The following FBXL8 variants were observed in gnomAD, a reference collection of about 807,000 sequenced individuals.
The protein encoded by FBXL8 is F-box and leucine rich repeat protein 8.
FBXL8 carries 13 observed loss-of-function variants against 8.2 expected under a neutral mutation model. That is an observed-to-expected ratio of 1.58 (90% CI 1.03 to 2.51). The LOEUF is 2.51. FBXL8 is among the 30% of genes most tolerant of loss of function. The pLI, the probability that FBXL8 is intolerant of heterozygous loss-of-function variation, is 0.00. For missense variants in FBXL8, 565 were observed against 540.4 expected (o/e 1.05, Z -0.45); for synonymous variants, 271 against 260.5 (o/e 1.04, Z -0.39).
At chr16:67,160,928 T>G (rs1375759300) in intron 1 of FBXL8, among the ~76,000 whole-genome samples, 6 of 151,870 alleles carry the variant, frequency 4.0e-5, no homozygotes, top group South Asian at 2.1e-4. Flanking sequence ...AGACCCAAGT[T>G]TTTTTTCATC....
Position 67,162,898 on chromosome 16 carries a change from TCGACC to T in FBXL8, c.204_208del (p.Asp69HisfsTer9). On this transcript the variant is annotated frameshift_variant, in exon 3 of 3. Coordinates refer to ENST00000258200, the MANE Select transcript of FBXL8 (RefSeq NM_018378.3). LOFTEE classifies it low-confidence loss of function (END_TRUNC). ...CTGCCACCTTATCTGTCCGCCTGCC[TCGACC>T]ACATTCACAACCTACGGCTGGAATT... is the stretch of plus-strand genomic sequence containing the variant. The T allele has an allele frequency of 6.4e-7, 1 of 1,552,450 alleles. No homozygotes were observed. The highest frequency in any genetic ancestry group is 8.7e-7 in the Non-Finnish European group (1 of 1,147,460).
At chr16:67,161,668 A>C (rs2030907707) in intron 1 of FBXL8, 67 bp from the exon 2 acceptor site, 2 of 1,302,688 alleles carry the variant, frequency 1.5e-6, no homozygotes, top group Non-Finnish European at 2.0e-6. Flanking sequence ...GCATTTGTAC[A>C]CCTAAGCTCG....
Position 67,163,019 on chromosome 16 carries a change from G to T in FBXL8, c.324G>T (p.Leu108=), listed in dbSNP as rs200909842. The part of the protein sequence containing the change: ...GRAPGLRGLR[L]ECRGEKPLFD... ...CCCCGGGGCTGCGAGGCCTGCGCCTGGAGTGCCGCGGAGAAAAACCGCTCT... is the reference window on the plus strand; with the variant it reads ...CCCCGGGGCTGCGAGGCCTGCGCCTTGAGTGCCGCGGAGAAAAACCGCTCT... Residue 108 remains leucine, a synonymous_variant, in exon 3 of 3, where the codon CTG becomes CTT. Transcript: ENST00000258200. The T allele has an allele frequency of 1.9e-4, 291 of 1,556,550 alleles. No homozygotes were observed. The African/African-American group carries it at 3.4e-3, about 18-fold the overall frequency.
At position 67,164,026 on chromosome 16, in the gene FBXL8, A is replaced by C; in HGVS notation, c.*206A>C. ...TGCTCTCACCCTCTGCAGACGCCCC[A>C]CCCGCTCGGTCCTGGACACACTGCC... On this transcript the variant is annotated 3_prime_UTR_variant, in exon 3 of 3. Transcript: ENST00000258200. 2 of 752,444 alleles carry C rather than the reference A, an allele frequency of 2.7e-6. No homozygotes were observed. Among genetic ancestry groups the C allele is most frequent in the Non-Finnish European group, 2.3e-6 (1 of 433,044 alleles). The allele number at this position is 752,444 out of a possible 1,614,324, so 46.6% of individuals were successfully genotyped here.
Position 67,161,796 on chromosome 16 carries a change from C to A in FBXL8, c.11C>A (p.Pro4His). 6.2e-7 allele frequency: 1 copy of A among 1,606,600 alleles called. No individual in the cohort carries two copies. The change falls in exon 2 of 3, where the codon CCT becomes CAT. Residue 4 changes from proline (P) to histidine (H), a missense_variant. Physicochemically the swap from Pro to His is moderately conservative, Grantham distance 77. Coordinates refer to ENST00000258200, the MANE Select transcript of FBXL8 (RefSeq NM_018378.3). ...AGCCGGATCTGGGCCATGGCCGAGC[C>A]TGGAGAGGGACTGCCAGAGGAGGTG... MAE[P>H]GEGLPEEVLA...
In FBXL8 at chr16:67,163,368, C is replaced by A; in HGVS notation, c.673C>A (p.Arg225=). Residue 225 remains arginine, a synonymous_variant, in exon 3 of 3, where the codon CGG becomes AGG. Transcript: ENST00000258200. ...DRAPFALLAL[R]CACPEDARAS... ...AGCGCCTTTCGCGCTCTTGGCTCTG[C>A]GGTGCGCGTGCCCCGAAGATGCACG... 6.5e-7 allele frequency: 1 copy of A among 1,546,044 alleles called. No homozygotes were observed. Among genetic ancestry groups the A allele is most frequent in the South Asian group, 1.2e-5 (1 of 85,528 alleles).
In FBXL8 at chr16:67,163,550, A is replaced by G; in HGVS notation, c.855A>G (p.Ser285=). The change falls in exon 3 of 3, where the codon TCA becomes TCG. Residue 285 remains serine, a synonymous_variant. Coordinates refer to ENST00000258200, the MANE Select transcript of FBXL8 (RefSeq NM_018378.3). Reference sequence around the variant, plus strand: ...TGGCTGCGCTGCGCCTCAACCTCTCAGGCGACACCGTAGGCCCAGTGCGCT... The same window carrying G: ...TGGCTGCGCTGCGCCTCAACCTCTCGGGCGACACCGTAGGCCCAGTGCGCT... ...VPVAALRLNL[S]GDTVGPVRFA... The G allele has an allele frequency of 6.3e-7, 1 of 1,577,456 alleles. No individual in the cohort carries two copies. Among genetic ancestry groups the G allele is most frequent in the Non-Finnish European group, 8.5e-7 (1 of 1,170,250 alleles).
rs774616423 is a variant in FBXL8, at chr16:67,161,766, A to C, written c.-20A>C. 1.5e-5 allele frequency: 23 copies of C among 1,572,530 alleles called. No individual in the cohort carries two copies. Among genetic ancestry groups the C allele is most frequent in the Non-Finnish European group, 1.7e-5 (20 of 1,156,726 alleles). The stretch of plus-strand genomic sequence containing the variant: ...GCTATTGGGAGTGGCGGATCCTCCC[A>C]CCCCAGCCGGATCTGGGCCATGGCC... On this transcript the variant is annotated 5_prime_UTR_variant, in exon 2 of 3. Transcript: ENST00000258200.
chr16:67,162,329 AAAT>A (rs772732792), intron 2 of FBXL8: 242 of 473,148 alleles, frequency 5.1e-4, no homozygotes, highest in Non-Finnish European at 7.4e-4. Flanking sequence ...GTTTATCTCA[AAAT>A]AATAATAATA....
In FBXL8 at chr16:67,163,429, T is replaced by TGCG. The variant is rs967697002; in HGVS notation, c.735_737dup (p.Arg248dup). 1.3e-6 allele frequency: 2 copies of TGCG among 1,535,956 alleles called. No homozygotes were observed. The highest frequency in any genetic ancestry group is 1.7e-6 in the Non-Finnish European group (2 of 1,146,800). On this transcript the variant is annotated inframe_insertion, in exon 3 of 3. Transcript: ENST00000258200. ...CTGCCCAACGAAGCCTGGGTCGCGT[T>TGCG]GCGCCGCCGCCACCCTGGGCTGGCA...
In FBXL8 at chr16:67,163,717, A is replaced by G; in HGVS notation, c.1022A>G (p.His341Arg). 3.1e-6 allele frequency: 5 copies of G among 1,594,508 alleles called. No homozygotes were observed. Among genetic ancestry groups the G allele is most frequent in the African/African-American group, 1.3e-5 (1 of 74,100 alleles). ...GTGCATTGTTTCTGCGTGGTGAGCCACTCGGTGCTGGACGCCTTCCGCGCG... is the reference window on the plus strand; with the variant it reads ...GTGCATTGTTTCTGCGTGGTGAGCCGCTCGGTGCTGGACGCCTTCCGCGCG... Reference protein sequence around the residue: ...REVHCFCVVSHSVLDAFRAHC... With the variant: ...REVHCFCVVSRSVLDAFRAHC... The change falls in exon 3 of 3, where the codon CAC becomes CGC. Residue 341 changes from histidine (H) to arginine (R), a missense_variant. By Grantham distance (29) the His-to-Arg change is conservative. Transcript: ENST00000258200.
In FBXL8 at chr16:67,163,447, G is replaced by A. The variant is rs1336969037; in HGVS notation, c.752G>A (p.Gly251Glu). ...AWVALRRRHPGLAVELELEPA... is the reference protein window; with the variant it reads ...AWVALRRRHPELAVELELEPA... ...GTCGCGTTGCGCCGCCGCCACCCTGGGCTGGCAGTGGAGCTGGAGCTGGAG... is the reference window on the plus strand; with the variant it reads ...GTCGCGTTGCGCCGCCGCCACCCTGAGCTGGCAGTGGAGCTGGAGCTGGAG... Residue 251 changes from glycine to glutamate, a missense_variant, in exon 3 of 3, where the codon GGG becomes GAG. Coordinates refer to ENST00000258200, the MANE Select transcript of FBXL8 (RefSeq NM_018378.3). 2.0e-6 allele frequency: 3 copies of A among 1,536,156 alleles called. No individual in the cohort carries two copies. Among genetic ancestry groups the A allele is most frequent in the Non-Finnish European group, 8.7e-7 (1 of 1,147,026 alleles).
chr16:67,161,696 T>C, intron 1 of FBXL8, 39 bp from the exon 2 acceptor site: 2 of 1,430,106 alleles, frequency 1.4e-6, no homozygotes, highest in East Asian at 2.6e-5. Context: ...TGCAACACTT[T>C]GCGCCTTCCC....
In FBXL8 at chr16:67,163,389, G is replaced by A. The variant is rs1317266198; in HGVS notation, c.694G>A (p.Ala232Thr). 5.2e-6 allele frequency: 8 copies of A among 1,540,708 alleles called. No individual in the cohort carries two copies. The Admixed American group carries it at 7.7e-5, about 15-fold the overall frequency. The change falls in exon 3 of 3, where the codon GCA (alanine) becomes ACA (threonine). Residue 232 changes from alanine to threonine, a missense_variant. Coordinates refer to ENST00000258200, the MANE Select transcript of FBXL8 (RefSeq NM_018378.3). ...TCTGCGGTGCGCGTGCCCCGAAGAT[G>A]CACGCGCGTCCCCGCTGCCCAACGA... ...LALRCACPEDARASPLPNEAW... is the reference protein window; with the variant it reads ...LALRCACPEDTRASPLPNEAW...
At chr16:67,160,518 C>G (rs976066102) in intron 1 of FBXL8, among the ~76,000 whole-genome samples, 1 of 152,136 alleles carries the variant, frequency 6.6e-6, no homozygotes, top group Non-Finnish European at 1.5e-5. Flanking sequence ...TGAGACCAGC[C>G]TGGCCAATAT....
At position 67,164,084 on chromosome 16, in the gene FBXL8, T is replaced by C. The variant is rs1339298862; in HGVS notation, c.*264T>C. The C allele has an allele frequency of 4.4e-6, 3 of 688,924 alleles. No individual in the cohort carries two copies. The highest frequency in any genetic ancestry group is 7.9e-6 in the Non-Finnish European group (3 of 378,984). 42.7% of individuals were successfully genotyped at this position (688,924 alleles called of 1,614,324 possible). A position where few individuals can be genotyped will look rare whatever the true frequency, so the allele number is the denominator to read the frequency against. On this transcript the variant is annotated 3_prime_UTR_variant, in exon 3 of 3. Coordinates refer to ENST00000258200, the MANE Select transcript of FBXL8 (RefSeq NM_018378.3). ...CTTGCCTCCACCCCTCTGCGGACTCTGCAGCTCCGCGGCCCCGGCGCAGGG... is the reference window on the plus strand; with the variant it reads ...CTTGCCTCCACCCCTCTGCGGACTCCGCAGCTCCGCGGCCCCGGCGCAGGG...
chr16:67,161,628 CTG>C, intron 1 of FBXL8, 105 bp from the exon 2 acceptor site: 1 of 849,216 alleles, frequency 1.2e-6, no homozygotes, highest in Non-Finnish European at 1.7e-6. Context: ...CCCACGCTGT[CTG>C]AGAGGCCCTC....
At position 67,163,153 on chromosome 16, in the gene FBXL8, T is replaced by C. The variant is rs1423225350; in HGVS notation, c.458T>C (p.Leu153Pro). 6.4e-7 allele frequency: 1 copy of C among 1,568,326 alleles called. No individual in the cohort carries two copies. Among genetic ancestry groups the C allele is most frequent in the South Asian group, 1.2e-5 (1 of 85,986 alleles). Residue 153 changes from leucine (L) to proline (P), a missense_variant, in exon 3 of 3, where the codon CTG becomes CCG. Leu to Pro is a moderately conservative substitution (Grantham distance 98). Transcript: ENST00000258200. ...TTGTCCTTCACACTGGACGACGCGCTGGTGCTGCAGGCGGCGCGCAGCTGT... is the reference window on the plus strand; with the variant it reads ...TTGTCCTTCACACTGGACGACGCGCCGGTGCTGCAGGCGGCGCGCAGCTGT... The part of the protein sequence containing the change: ...RRLSFTLDDA[L>P]VLQAARSCPE...
In FBXL8 at chr16:67,161,938, G is replaced by A. The variant is rs779412523; in HGVS notation, c.152+1G>A. The stretch of plus-strand genomic sequence containing the variant: ...CCGTGTGGCACGACACAAAAATCAG[G>A]TGAGCCTGCTCCTCCACACTCCTCT... On this transcript the variant is annotated splice_donor_variant, in intron 2 of 2. Transcript: ENST00000258200. LOFTEE classifies it high-confidence loss of function. The A allele has an allele frequency of 1.9e-6, 3 of 1,603,562 alleles. No individual in the cohort carries two copies. Among genetic ancestry groups the A allele is most frequent in the South Asian group, 1.1e-5 (1 of 90,174 alleles).
Sources: allele counts gnomAD v4.1 joint callset (sites outside exome capture counted in the v4.1 genomes callset), GRCh38; gene constraint gnomAD v4.1.1; transcripts MANE v1.5; gene names NCBI Gene and HGNC (gene_info 2026-07-23, HGNC 2026-07-21).